Variants in ATRNL1 observed in about 807,000 individuals in gnomAD.
ATRNL1 encodes attractin like 1.
In ATRNL1, 95 loss-of-function variants were observed where a neutral mutation model predicts 182.7. The observed-to-expected ratio is 0.52, with a 90% CI of 0.44 to 0.62. ATRNL1 has a LOEUF of 0.62. ATRNL1 is among the 20% of genes least tolerant of loss of function. The pLI is 0.00. For missense variants in ATRNL1, 1,471 were observed against 1,679.5 expected (o/e 0.88, Z 2.17); for synonymous variants, 576 against 568.3 (o/e 1.01, Z -0.19).
intron 8 of ATRNL1, among the ~76,000 whole-genome samples, chr10:115,182,159 A>G (rs76556384): frequency 0.013 from 1,993 of 151,728 alleles, 52 homozygotes; most frequent in African/African-American, 0.046. Flanking sequence ...TGGAATTTGC[A>G]AAAGGTAGTT....
intron 28 of ATRNL1, among the ~76,000 whole-genome samples, chr10:115,887,435 G>C (rs1426104919): frequency 6.6e-6 from 1 of 152,186 alleles, no homozygotes; most frequent in East Asian, 1.9e-4. Context: ...CTAGGTGGAT[G>C]TCTTCTCACT....
At chr10:115,422,718 C>T (rs1845702633) in intron 20 of ATRNL1, among the ~76,000 whole-genome samples, 1 of 152,118 alleles carries the variant, frequency 6.6e-6, no homozygotes, top group African/African-American at 2.4e-5. Context: ...TTTTTGGCAG[C>T]AACATGGATG....
chr10:115,250,451 T>C (rs1318352969), intron 10 of ATRNL1, among the ~76,000 whole-genome samples: 2 of 152,194 alleles, frequency 1.3e-5, no homozygotes, highest in African/African-American at 2.4e-5. Flanking sequence ...ATAACTATAG[T>C]ATGTACTGGG....
At chr10:115,114,331 T>C (rs1554869162) in intron 1 of ATRNL1, among the ~76,000 whole-genome samples, 1 of 152,212 alleles carries the variant, frequency 6.6e-6, no homozygotes, top group Non-Finnish European at 1.5e-5. Context: ...GCTATGACTT[T>C]GGTCTGAGCA....
chr10:115,127,792 T>G (rs1343540332), intron 4 of ATRNL1, 71 bp downstream of exon 4: 1 of 1,111,350 alleles, frequency 9.0e-7, no homozygotes, highest in South Asian at 2.1e-5. Flanking sequence ...TTTTTTTGTT[T>G]ATTTTTATTA....
At chr10:115,341,669 T>C in intron 19 of ATRNL1, among the ~76,000 whole-genome samples, 1 of 152,284 alleles carries the variant, frequency 6.6e-6, no homozygotes, top group Middle Eastern at 3.4e-3. Context: ...AATAATAATA[T>C]TTGCTTTATA....
chr10:115,355,704 T>C (rs1856473378), intron 19 of ATRNL1, among the ~76,000 whole-genome samples: 1 of 152,114 alleles, frequency 6.6e-6, no homozygotes, highest in South Asian at 2.1e-4. Context: ...CTCTTTTGGG[T>C]TAAGTTTATT....
At chr10:115,392,331 T>C (rs782546328) in intron 19 of ATRNL1, among the ~76,000 whole-genome samples, 8 of 152,172 alleles carry the variant, frequency 5.3e-5, no homozygotes, top group Non-Finnish European at 1.2e-4. Context: ...CTTTAAAATA[T>C]ATTCAGTGCA....
chr10:115,530,165 G>A (rs1554987790), intron 25 of ATRNL1, among the ~76,000 whole-genome samples: 1 of 152,004 alleles, frequency 6.6e-6, no homozygotes, highest in Non-Finnish European at 1.5e-5. Flanking sequence ...TCACTGTTGT[G>A]AATAATACTA....
At chr10:115,465,295 T>C (rs1253756649) in intron 22 of ATRNL1, among the ~76,000 whole-genome samples, 2 of 151,706 alleles carry the variant, frequency 1.3e-5, no homozygotes, top group Non-Finnish European at 3.0e-5. Context: ...TATCTACCTT[T>C]GATATCTGGA....
chr10:115,228,396 T>C (rs1175823858), intron 9 of ATRNL1, among the ~76,000 whole-genome samples: 1 of 152,192 alleles, frequency 6.6e-6, no homozygotes, highest in Non-Finnish European at 1.5e-5. Flanking sequence ...GCACTTTAAC[T>C]TTGGTGTAAT....
intron 1 of ATRNL1, among the ~76,000 whole-genome samples, chr10:115,109,825 A>C (rs781791177): frequency 5.9e-5 from 9 of 152,148 alleles, no homozygotes; most frequent in Non-Finnish European, 1.0e-4. Flanking sequence ...AGCTTTACTG[A>C]GTTACAATTT....
intron 26 of ATRNL1, among the ~76,000 whole-genome samples, chr10:115,630,410 TGAGA>T (rs1334355282): frequency 6.6e-6 from 1 of 151,928 alleles, no homozygotes; most frequent in Admixed American, 6.6e-5. Context: ...GCACTGTTAG[TGAGA>T]GTGTCAACAG....
intron 26 of ATRNL1, among the ~76,000 whole-genome samples, chr10:115,694,030 G>T (rs1946475030): frequency 6.6e-6 from 1 of 151,988 alleles, no homozygotes; most frequent in Admixed American, 6.6e-5. Context: ...CATAATACCA[G>T]ATGACTATCC....
chr10:115,242,897 G>A (rs370980131), intron 10 of ATRNL1, among the ~76,000 whole-genome samples: 17 of 152,104 alleles, frequency 1.1e-4, no homozygotes, highest in African/African-American at 4.1e-4. Context: ...CAGCTTTTAG[G>A]AGGCTCATGA....
chr10:115,385,194 A>G (rs1173510673), intron 19 of ATRNL1, among the ~76,000 whole-genome samples: 2 of 152,036 alleles, frequency 1.3e-5, no homozygotes, highest in African/African-American at 4.8e-5. Flanking sequence ...TTAGTGTTTC[A>G]TTTTATTGTC....
Position 115,651,996 on chromosome 10 carries a change from A to G in ATRNL1, c.3796-75252A>G, listed in dbSNP as rs905086571. 8.5e-5 allele frequency among the ~76,000 whole-genome samples: 13 copies of G among 152,114 alleles called. No individual in the cohort carries two copies. The South Asian group carries it at 2.5e-3, about 29-fold the overall frequency. ...TGTAGTAACCCTGTTTAAAGGATTT[A>G]TGAAATAGATTATAAGATTTCTTTG... On this transcript the variant is annotated intron_variant, in intron 26 of 28. Transcript: ENST00000355044.
intron 27 of ATRNL1, among the ~76,000 whole-genome samples, chr10:115,786,154 G>A (rs1949391568): frequency 6.6e-6 from 1 of 151,920 alleles, no homozygotes; most frequent in Non-Finnish European, 1.5e-5. Flanking sequence ...TTCTTTTTAA[G>A]TCATCAAGGC....
chr10:115,462,005 T>A lies in ATRNL1; in HGVS notation c.3387T>A (p.Thr1129=), dbSNP rs781809993. ...SLLQEDDRHH[T]AINFIANPEQ... ...TACAGGAAGATGATCGCCACCATAC[T>A]GCCATAAACTTTATAGCAAACCCAG... Residue 1129 remains threonine, a synonymous_variant, in exon 22 of 29, where the codon ACT becomes ACA. Transcript: ENST00000355044. The A allele has an allele frequency of 4.3e-6, 7 of 1,610,508 alleles. No individual in the cohort carries two copies. The Admixed American group carries it at 8.4e-5, about 19-fold the overall frequency.
Sources: gnomAD v4.1 joint callset for allele counts (sites outside exome capture counted in the v4.1 genomes callset) on GRCh38, gnomAD v4.1.1 for gene constraint, MANE v1.5 for transcripts, NCBI Gene and HGNC (gene_info 2026-07-23, HGNC 2026-07-21) for gene names.